Variants in ZFP1 observed in about 807,000 individuals in gnomAD.
ZFP1 encodes zinc finger protein 1 homolog.
Under a neutral mutation model 38.5 loss-of-function variants are expected in ZFP1, and 32 were observed. The observed-to-expected ratio is 0.83, with a 90% CI of 0.63 to 1.12. The LOEUF is 1.12. ZFP1 is among the 50% of genes most tolerant of loss of function. The pLI, the probability that ZFP1 is intolerant of heterozygous loss-of-function variation, is 0.00. For synonymous variants in ZFP1, 245 were observed against 168.8 expected, an observed-to-expected ratio of 1.45 and a Z score of -3.50; for missense variants, 616 against 480.8, an observed-to-expected ratio of 1.28 and a Z score of -2.63.
In ZFP1 at chr16:75,169,588, A is replaced by G. The variant is rs2038308070; in HGVS notation, c.478A>G (p.Lys160Glu). 1.3e-6 allele frequency: 2 copies of G among 1,596,506 alleles called. No homozygotes were observed. Among genetic ancestry groups the G allele is most frequent in the Non-Finnish European group, 1.7e-6 (2 of 1,175,624 alleles). The stretch of plus-strand genomic sequence containing the variant: ...TGGAGTAGAATATTCTGAATACAAT[A>G]AAAGTGGAAAAGCCCTCAGCCATAA... ...HSGVEYSEYN[K>E]SGKALSHKAA... Residue 160 changes from lysine to glutamate, a missense_variant, in exon 4 of 4, where the codon AAA becomes GAA. Transcript: ENST00000570010.
At chr16:75,155,018 C>CG (rs2037403733) in intron 2 of ZFP1, among the ~76,000 whole-genome samples, 1 of 152,040 alleles carries the variant, frequency 6.6e-6, no homozygotes, top group Non-Finnish European at 1.5e-5. Flanking sequence ...AGGCTGGTCT[C>CG]GAACTCCTGG....
chr16:75,135,260 C>CACAAAGTGACTGGATAAACCAACTGTA, the ZFP1 span, among the ~76,000 whole-genome samples: 1 of 130,124 alleles, frequency 7.7e-6, no homozygotes, highest in African/African-American at 2.9e-5. Flanking sequence ...AGAGATCCTT[C>CACAAAGTGACTGGATAAACCAACTGTA]ACTCATTCAT....
At chr16:75,144,921 C>A (rs190929408), upstream of ZFP1, among the ~76,000 whole-genome samples, 65 of 152,302 alleles carry the variant, frequency 4.3e-4, 1 homozygote, top group Middle Eastern at 3.4e-3. Flanking sequence ...GCCTCGAACT[C>A]CTGGGTCAAG....
intron 2 of ZFP1, among the ~76,000 whole-genome samples, chr16:75,154,490 TA>T (rs1248739132): frequency 6.6e-6 from 1 of 151,952 alleles, no homozygotes; most frequent in African/African-American, 2.4e-5. Context: ...AGAATATAAT[TA>T]ATTTTGTAAG....
chr16:75,158,939 C>T (rs1222738062), intron 2 of ZFP1, among the ~76,000 whole-genome samples: 8 of 148,670 alleles, frequency 5.4e-5, no homozygotes, highest in Non-Finnish European at 1.2e-4. Flanking sequence ...GAGTCTTGCC[C>T]AGACTAGAGT....
the ZFP1 span, among the ~76,000 whole-genome samples, chr16:75,126,607 T>C: frequency 6.6e-6 from 1 of 152,218 alleles, no homozygotes; most frequent in Non-Finnish European, 1.5e-5. Context: ...TTTCACCATG[T>C]TGGCCTGCTG....
At chr16:75,120,727 A>G in the ZFP1 span, among the ~76,000 whole-genome samples, 9 of 151,958 alleles carry the variant, frequency 5.9e-5, no homozygotes, top group Admixed American at 2.6e-4. Context: ...TCAGCCTCCC[A>G]AGTAGCTGGG....
the ZFP1 span, among the ~76,000 whole-genome samples, chr16:75,126,751 C>G: frequency 2.6e-5 from 4 of 152,158 alleles, no homozygotes; most frequent in African/African-American, 9.7e-5. Flanking sequence ...TTTGTAATAT[C>G]AAGTGTTTTA....
the ZFP1 span, among the ~76,000 whole-genome samples, chr16:75,142,468 C>T: frequency 2.6e-5 from 4 of 152,268 alleles, no homozygotes; most frequent in East Asian, 7.7e-4. Context: ...CTGAAGTGAC[C>T]TGCCATCACT....
At chr16:75,120,330 A>G in the ZFP1 span, among the ~76,000 whole-genome samples, 2 of 152,136 alleles carry the variant, frequency 1.3e-5, no homozygotes, top group African/African-American at 4.8e-5. Flanking sequence ...CCTCTGCTGC[A>G]TGAGGGACCT....
chr16:75,120,988 G>GT, the ZFP1 span, among the ~76,000 whole-genome samples: 4 of 152,124 alleles, frequency 2.6e-5, no homozygotes, highest in African/African-American at 4.8e-5. Context: ...TTTAAAAGAA[G>GT]TTTTTTAAAA....
chr16:75,149,852 C>G (rs2037097769), intron 1 of ZFP1, among the ~76,000 whole-genome samples: 3 of 152,126 alleles, frequency 2.0e-5, no homozygotes, highest in Non-Finnish European at 4.4e-5. Context: ...GTCACCCAGG[C>G]TGGAGTGCAG....
At chr16:75,151,967 G>T (rs2037226530) in intron 1 of ZFP1, among the ~76,000 whole-genome samples, 1 of 152,136 alleles carries the variant, frequency 6.6e-6, no homozygotes, top group Non-Finnish European at 1.5e-5. Flanking sequence ...ATAGAATTCT[G>T]AGTTAATAGT....
At chr16:75,145,572 G>T (rs2036934062), upstream of ZFP1, among the ~76,000 whole-genome samples, 1 of 152,152 alleles carries the variant, frequency 6.6e-6, no homozygotes, top group Non-Finnish European at 1.5e-5. Flanking sequence ...TCCACAAACA[G>T]AAGAGCAGCA....
intron 2 of ZFP1, among the ~76,000 whole-genome samples, chr16:75,155,123 A>T (rs941609697): frequency 6.6e-6 from 1 of 151,964 alleles, no homozygotes; most frequent in African/African-American, 2.4e-5. Flanking sequence ...TCTCTTAATT[A>T]TGTGATTTGA....
the ZFP1 span, among the ~76,000 whole-genome samples, chr16:75,128,872 C>T: frequency 1.3e-5 from 2 of 152,220 alleles, no homozygotes; most frequent in Admixed American, 6.5e-5. Flanking sequence ...CTCATTGCAA[C>T]CTCCGCCTCC....
the ZFP1 span, among the ~76,000 whole-genome samples, chr16:75,123,653 A>G: frequency 1.1e-4 from 16 of 150,264 alleles, no homozygotes; most frequent in Admixed American, 1.3e-4. Flanking sequence ...AATTTTTTGT[A>G]TTTTAGTAGA....
the ZFP1 span, among the ~76,000 whole-genome samples, chr16:75,139,648 C>G: frequency 2.6e-5 from 4 of 152,108 alleles, no homozygotes; most frequent in African/African-American, 9.7e-5. Flanking sequence ...CAGGCATGAG[C>G]TACCACACCT....
At chr16:75,127,168 C>G in the ZFP1 span, among the ~76,000 whole-genome samples, 1 of 152,182 alleles carries the variant, frequency 6.6e-6, no homozygotes, top group Non-Finnish European at 1.5e-5. Context: ...TTTTGGTCCT[C>G]TTTGGTTTTA....
Sources: gnomAD v4.1 joint callset for allele counts (sites outside exome capture counted in the v4.1 genomes callset) on GRCh38, gnomAD v4.1.1 for gene constraint, MANE v1.5 for transcripts, NCBI Gene and HGNC (gene_info 2026-07-23, HGNC 2026-07-21) for gene names.